MSI2: variants seen among roughly 807,000 people sequenced by gnomAD.
MSI2 encodes RNA-binding protein Musashi homolog 2.
In MSI2, 17 loss-of-function variants were observed where a neutral mutation model predicts 45.6. That is an observed-to-expected ratio of 0.37 (90% CI 0.26 to 0.56). MSI2 has a LOEUF of 0.56. Ranked by LOEUF, MSI2 falls within the 20% of genes least tolerant of loss-of-function variation. The pLI is 0.77. For missense variants in MSI2, 293 were observed against 444.2 expected (o/e 0.66, Z 3.06); for synonymous variants, 156 against 158.2 (o/e 0.99, Z 0.11).
At chr17:57,439,210 C>T (rs2084749668) in intron 6 of MSI2, among the ~76,000 whole-genome samples, 1 of 152,122 alleles carries the variant, frequency 6.6e-6, no homozygotes, top group African/African-American at 2.4e-5. Context: ...CTGGGGAAGG[C>T]TTGGCTTCTG....
At chr17:57,646,558 T>C (rs1362835325) in intron 10 of MSI2, among the ~76,000 whole-genome samples, 1 of 152,192 alleles carries the variant, frequency 6.6e-6, no homozygotes, top group Admixed American at 6.5e-5. Flanking sequence ...CCAACCTCCT[T>C]GCAACAGAGA....
At chr17:57,637,722 G>A (rs1009677600) in intron 10 of MSI2, among the ~76,000 whole-genome samples, 9 of 152,208 alleles carry the variant, frequency 5.9e-5, no homozygotes, top group East Asian at 1.9e-4. Context: ...TAGTCGGACC[G>A]GGAATGATCT....
rs527777871 is a variant in MSI2, at chr17:57,409,802, T to A, written c.405+8331T>A. Reference sequence around the variant, plus strand: ...GGCGGGCGAATCATGAGGTCAGGAGTTCGAGACCAGCCTGGCCAACATGGT... The same window carrying A: ...GGCGGGCGAATCATGAGGTCAGGAGATCGAGACCAGCCTGGCCAACATGGT... On this transcript the variant is annotated intron_variant, in intron 6 of 13. Coordinates refer to ENST00000284073, the MANE Select transcript of MSI2 (RefSeq NM_138962.4). Among the ~76,000 whole-genome samples, 29 of 151,654 alleles carry A rather than the reference T, an allele frequency of 1.9e-4. 1 individual carries two copies. The East Asian group carries it at 2.9e-3, about 15-fold the overall frequency.
chr17:57,256,822 G>A lies in MSI2; in HGVS notation c.62+18G>A. Reference sequence around the variant, plus strand: ...GACCCCGGGTAAGTTTCCAGCCGCTGCCCACCGCGCCGCCTTGGGCTCGCT... The same window carrying A: ...GACCCCGGGTAAGTTTCCAGCCGCTACCCACCGCGCCGCCTTGGGCTCGCT... On this transcript the variant is annotated intron_variant, in intron 1 of 13. Transcript: ENST00000284073. 6.9e-7 allele frequency: 1 copy of A among 1,449,154 alleles called. No homozygotes were observed. The highest frequency in any genetic ancestry group is 1.4e-5 in the South Asian group (1 of 70,140). 89.8% of individuals were successfully genotyped at this position (1,449,154 alleles called of 1,614,324 possible). A position where few individuals can be genotyped will look rare whatever the true frequency, so the allele number is the denominator to read the frequency against.
At chr17:57,448,000 A>G (rs141174663) in intron 6 of MSI2, among the ~76,000 whole-genome samples, 2 of 152,330 alleles carry the variant, frequency 1.3e-5, no homozygotes, top group Non-Finnish European at 1.5e-5. Context: ...AGTTGTGAGC[A>G]CTGAGGACTA....
chr17:57,528,551 C>T (rs751711669), intron 6 of MSI2, among the ~76,000 whole-genome samples: 4 of 152,174 alleles, frequency 2.6e-5, no homozygotes, highest in Non-Finnish European at 4.4e-5. Context: ...AATAAAGTAA[C>T]GCAGATTGGA....
intron 11 of MSI2, among the ~76,000 whole-genome samples, chr17:57,663,559 T>C (rs1203441865): frequency 6.6e-6 from 1 of 152,150 alleles, no homozygotes; most frequent in East Asian, 1.9e-4. Flanking sequence ...GGATCCAGGA[T>C]GTCCTGGAGT....
intron 8 of MSI2, chr17:57,608,110 G>A (rs1170633334): frequency 6.6e-6 from 1 of 152,338 alleles, no homozygotes; most frequent in Non-Finnish European, 1.5e-5. Flanking sequence ...GGACTGCAGA[G>A]TGGTTAGGGA....
At chr17:57,262,597 A>G (rs933425778) in intron 5 of MSI2, among the ~76,000 whole-genome samples, 1 of 132,054 alleles carries the variant, frequency 7.6e-6, no homozygotes, top group African/African-American at 2.6e-5. Context: ...AGTTTGACTA[A>G]ACAGCTGATC....
chr17:57,285,678 A>G (rs746909989), intron 5 of MSI2, among the ~76,000 whole-genome samples: 6 of 152,216 alleles, frequency 3.9e-5, no homozygotes, highest in Non-Finnish European at 8.8e-5. Flanking sequence ...ATTCTGTGGG[A>G]TGGAACTGAA....
chr17:57,633,275 C>G (rs1909568524), intron 10 of MSI2: 1 of 765,064 alleles, frequency 1.3e-6, no homozygotes, highest in Admixed American at 6.1e-5. Context: ...CGATGACAGC[C>G]TAGTGCAGTT....
At chr17:57,495,567 G>A (rs1316624597) in intron 6 of MSI2, among the ~76,000 whole-genome samples, 2 of 142,840 alleles carry the variant, frequency 1.4e-5, no homozygotes, top group Non-Finnish European at 3.0e-5. Context: ...GCTTTACTTG[G>A]CTTCTCTATA....
intron 8 of MSI2, among the ~76,000 whole-genome samples, chr17:57,614,062 A>C (rs1345958355): frequency 1.3e-5 from 2 of 151,278 alleles, no homozygotes; most frequent in Admixed American, 1.3e-4. Flanking sequence ...TATTTTTTTT[A>C]TTTTTTGAGA....
At chr17:57,496,352 G>C (rs2085979383) in intron 6 of MSI2, among the ~76,000 whole-genome samples, 1 of 152,142 alleles carries the variant, frequency 6.6e-6, no homozygotes, top group South Asian at 2.1e-4. Context: ...TGACTCCCCT[G>C]TCCTACCTCC....
At chr17:57,604,876 C>CG (rs538548771) in intron 8 of MSI2, among the ~76,000 whole-genome samples, 2 of 151,384 alleles carry the variant, frequency 1.3e-5, no homozygotes, top group African/African-American at 2.4e-5. Flanking sequence ...ATTGGCTCAC[C>CG]CCCCCACTCC....
At chr17:57,287,376 G>A (rs1280916559) in intron 5 of MSI2, among the ~76,000 whole-genome samples, 1 of 152,104 alleles carries the variant, frequency 6.6e-6, no homozygotes, top group Non-Finnish European at 1.5e-5. Flanking sequence ...CCTTCCATGG[G>A]TCCCTCTCGG....
chr17:57,658,412 G>A (rs902582621), intron 11 of MSI2, among the ~76,000 whole-genome samples: 6 of 152,192 alleles, frequency 3.9e-5, no homozygotes, highest in South Asian at 2.1e-4. Flanking sequence ...TCATTAAAAT[G>A]TTCATTTCTG....
intron 6 of MSI2, among the ~76,000 whole-genome samples, chr17:57,458,839 C>T (rs1598293977): frequency 6.6e-6 from 1 of 152,180 alleles, no homozygotes; most frequent in East Asian, 1.9e-4. Context: ...CCTGTGCAGG[C>T]CGTGGGAGGA....
At chr17:57,560,141 G>A (rs1567899595) in intron 7 of MSI2, among the ~76,000 whole-genome samples, 1 of 152,242 alleles carries the variant, frequency 6.6e-6, no homozygotes, top group Non-Finnish European at 1.5e-5. Context: ...GGTATCTCTC[G>A]TAGTACAGTA....
Sources: gnomAD v4.1 joint callset for allele counts (sites outside exome capture counted in the v4.1 genomes callset) on GRCh38, gnomAD v4.1.1 for gene constraint, MANE v1.5 for transcripts, NCBI Gene and HGNC (gene_info 2026-07-23, HGNC 2026-07-21) for gene names.